The following ACYP2 variants were observed in gnomAD, a reference collection of about 807,000 sequenced individuals.
The protein encoded by ACYP2 is acylphosphatase 2.
In ACYP2, 12 loss-of-function variants were observed where a neutral mutation model predicts 11.2. That is an observed-to-expected ratio of 1.08 (90% confidence interval 0.69 to 1.74). The LOEUF is 1.74. Among genes scored for constraint, ACYP2 ranks in the 40% most tolerant of loss-of-function variants. The pLI, the probability that ACYP2 is intolerant of heterozygous loss-of-function variation, is 0.00. For missense variants in ACYP2, 134 were observed against 101.9 expected (o/e 1.31, Z -1.35); for synonymous variants, 43 against 32.2 (o/e 1.33, Z -1.13).
chr2:54,053,951 G>T (rs2103621073), intron 3 of ACYP2, among the ~76,000 whole-genome samples: 1 of 152,278 alleles, frequency 6.6e-6, no homozygotes, highest in Admixed American at 6.5e-5. Flanking sequence ...TTCAAGAAAG[G>T]GAAGAAAGCA....
intron 6 of ACYP2, chr2:54,166,959 T>G (rs1358333204): frequency 6.6e-6 from 1 of 151,884 alleles, no homozygotes; most frequent in African/African-American, 2.4e-5. Context: ...TATTTTCCAG[T>G]GAAAACCAGA....
At chr2:53,978,000 G>A (rs939512357) in intron 2 of ACYP2, among the ~76,000 whole-genome samples, 1 of 151,556 alleles carries the variant, frequency 6.6e-6, no homozygotes, top group African/African-American at 2.4e-5. Context: ...GGTGGCTCAC[G>A]CCTGTAATCC....
At chr2:53,986,921 G>C (rs1034582363) in intron 2 of ACYP2, among the ~76,000 whole-genome samples, 2 of 152,024 alleles carry the variant, frequency 1.3e-5, no homozygotes, top group African/African-American at 4.8e-5. Flanking sequence ...CACCGCACCC[G>C]ACCAAACCTC....
chr2:54,138,502 G>C, intron 5 of ACYP2, 137 bp from the exon 3 acceptor site: 1 of 587,272 alleles, frequency 1.7e-6, no homozygotes, highest in South Asian at 2.5e-5. Flanking sequence ...GGTTACTGTA[G>C]GTCATCTATA....
At chr2:54,191,875 A>G (rs1684255541) in intron 6 of ACYP2, among the ~76,000 whole-genome samples, 1 of 152,208 alleles carries the variant, frequency 6.6e-6, no homozygotes, top group Non-Finnish European at 1.5e-5. Context: ...GATAATAAAC[A>G]TATGTAGACA....
intron 2 of ACYP2, among the ~76,000 whole-genome samples, chr2:53,976,969 AT>A (rs1217815555): frequency 6.6e-6 from 1 of 152,100 alleles, no homozygotes; most frequent in African/African-American, 2.4e-5. Context: ...AATTTTCACT[AT>A]TTTTTTGTAA....
At chr2:54,194,707 G>T (rs577196100) in intron 6 of ACYP2, among the ~76,000 whole-genome samples, 1 of 151,618 alleles carries the variant, frequency 6.6e-6, no homozygotes, top group African/African-American at 2.4e-5. Flanking sequence ...ACTTTCTGTT[G>T]CTTTGTCATG....
chr2:54,235,885 C>T (rs966825416), intron 6 of ACYP2, among the ~76,000 whole-genome samples: 1 of 152,070 alleles, frequency 6.6e-6, no homozygotes, highest in South Asian at 2.1e-4. Context: ...TCTGTAGTGA[C>T]GTTTCCTCTT....
chr2:54,245,191 T>A (rs753406335), intron 6 of ACYP2, among the ~76,000 whole-genome samples: 3 of 152,206 alleles, frequency 2.0e-5, no homozygotes, highest in Non-Finnish European at 2.9e-5. Flanking sequence ...GTCCCATCCA[T>A]GTTGCAGGAA....
chr2:54,234,519 TGATAC>T (rs1380686356), intron 6 of ACYP2, among the ~76,000 whole-genome samples: 3 of 152,250 alleles, frequency 2.0e-5, no homozygotes, highest in African/African-American at 7.2e-5. Context: ...TGTCTGCAGC[TGATAC>T]GAAGTGCAAT....
At chr2:54,269,114 T>C (rs948192527) in intron 6 of ACYP2, among the ~76,000 whole-genome samples, 9 of 152,166 alleles carry the variant, frequency 5.9e-5, no homozygotes, top group African/African-American at 2.2e-4. Flanking sequence ...ACTGTTTTGA[T>C]TTTTATTATT....
At chr2:54,198,450 G>GGC (rs1684609923) in intron 6 of ACYP2, among the ~76,000 whole-genome samples, 1 of 152,120 alleles carries the variant, frequency 6.6e-6, no homozygotes, top group Non-Finnish European at 1.5e-5. Flanking sequence ...TAGTTTGTGG[G>GGC]GCCTCCAGCA....
At chr2:54,026,190 C>CTAAT (rs1419857169) in intron 2 of ACYP2, among the ~76,000 whole-genome samples, 1 of 152,036 alleles carries the variant, frequency 6.6e-6, no homozygotes, top group African/African-American at 2.4e-5. Context: ...TTACAAAGGA[C>CTAAT]TAATGTCCAG....
At chr2:54,250,404 G>A (rs1687167690) in intron 6 of ACYP2, among the ~76,000 whole-genome samples, 1 of 142,362 alleles carries the variant, frequency 7.0e-6, no homozygotes, top group Non-Finnish European at 1.5e-5. Context: ...ACCTGGGGAG[G>A]TAGAGGTTGC....
At chr2:54,154,026 T>G (rs1281377914) in intron 6 of ACYP2, among the ~76,000 whole-genome samples, 1 of 152,118 alleles carries the variant, frequency 6.6e-6, no homozygotes, top group Non-Finnish European at 1.5e-5. Flanking sequence ...AGCTTTCATC[T>G]CATTGGTTAA....
chr2:54,067,787 T>C (rs1258914413), intron 4 of ACYP2, among the ~76,000 whole-genome samples: 1 of 152,140 alleles, frequency 6.6e-6, no homozygotes, highest in Non-Finnish European at 1.5e-5. Context: ...AAGTAAAACA[T>C]AACAAAACAA....
intron 4 of ACYP2, among the ~76,000 whole-genome samples, chr2:54,072,626 A>G (rs1677124710): frequency 6.9e-6 from 1 of 145,720 alleles, no homozygotes; most frequent in African/African-American, 2.6e-5. Context: ...GCAGTAGCAC[A>G]GGCTTGGCTC....
chr2:54,258,420 A>C (rs1450723827), intron 6 of ACYP2, among the ~76,000 whole-genome samples: 1 of 152,190 alleles, frequency 6.6e-6, no homozygotes, highest in Non-Finnish European at 1.5e-5. Context: ...AAGAAATAAC[A>C]AGGAGGCCAG....
intron 4 of ACYP2, among the ~76,000 whole-genome samples, chr2:54,096,146 A>C (rs1678556593): frequency 8.1e-6 from 1 of 123,992 alleles, no homozygotes; most frequent in Non-Finnish European, 1.7e-5. Context: ...GGGGCTCCTC[A>C]CTTCTCGGAC....
Sources: allele counts gnomAD v4.1 joint callset (sites outside exome capture counted in the v4.1 genomes callset), GRCh38; gene constraint gnomAD v4.1.1; transcripts MANE v1.5; gene names NCBI Gene and HGNC (gene_info 2026-07-23, HGNC 2026-07-21).